HMGCLL1: variants seen among roughly 807,000 people sequenced by gnomAD.
HMGCLL1 encodes 3-hydroxymethyl-3-methylglutaryl-CoA lyase, cytoplasmic.
HMGCLL1 carries 36 observed loss-of-function variants against 39.1 expected under a neutral mutation model. That is an observed-to-expected ratio of 0.92 (90% confidence interval 0.71 to 1.22). HMGCLL1 has a LOEUF of 1.22. HMGCLL1 is among the 50% of genes most tolerant of loss of function. The probability of loss-of-function intolerance (pLI) is 0.00; values close to 1 mark genes in which losing one functional copy is unlikely to be tolerated. For synonymous variants in HMGCLL1, 149 were observed against 144.0 expected, an observed-to-expected ratio of 1.03 and a Z score of -0.25; for missense variants, 451 against 416.5, an observed-to-expected ratio of 1.08 and a Z score of -0.72.
At chr6:55,527,476 C>T (rs1050225236) in intron 3 of HMGCLL1, among the ~76,000 whole-genome samples, 1 of 151,922 alleles carries the variant, frequency 6.6e-6, no homozygotes, top group Non-Finnish European at 1.5e-5. Flanking sequence ...GACCCTACTT[C>T]GATAAAGGAA....
chr6:55,461,251 G>A (rs1017401363), intron 7 of HMGCLL1, among the ~76,000 whole-genome samples: 73 of 151,940 alleles, frequency 4.8e-4, no homozygotes, highest in African/African-American at 1.8e-3. Context: ...TTTTTGAAGA[G>A]TCAAAAGAAG....
At chr6:55,460,265 A>G (rs1441645328) in intron 7 of HMGCLL1, among the ~76,000 whole-genome samples, 2 of 152,040 alleles carry the variant, frequency 1.3e-5, no homozygotes, top group African/African-American at 4.8e-5. Context: ...ACCATAAAGT[A>G]TAGCTATATT....
chr6:55,550,145 G>C (rs1770245710), intron 1 of HMGCLL1, among the ~76,000 whole-genome samples: 1 of 152,022 alleles, frequency 6.6e-6, no homozygotes, highest in Non-Finnish European at 1.5e-5. Flanking sequence ...AAAGGTGGCA[G>C]AAGGGGTTGA....
At chr6:55,602,642 T>C in the HMGCLL1 span, among the ~76,000 whole-genome samples, 1 of 151,964 alleles carries the variant, frequency 6.6e-6, no homozygotes, top group East Asian at 1.9e-4. Flanking sequence ...TGTTACATTC[T>C]TTGGATAACA....
chr6:55,524,553 T>A (rs6936172), intron 3 of HMGCLL1, among the ~76,000 whole-genome samples: 102,789 of 151,070 alleles, frequency 0.68, 35,017 homozygotes, highest in Admixed American at 0.72. Context: ...TCCTAGTGAT[T>A]TGCAGATCTC....
intron 3 of HMGCLL1, among the ~76,000 whole-genome samples, chr6:55,519,301 T>C (rs1767910478): frequency 6.7e-6 from 1 of 149,176 alleles, no homozygotes; most frequent in South Asian, 2.2e-4. Flanking sequence ...TGACAAGTTC[T>C]GTGGTAGAAA....
chr6:55,493,806 C>T (rs1316834948), intron 7 of HMGCLL1, among the ~76,000 whole-genome samples: 2 of 151,844 alleles, frequency 1.3e-5, no homozygotes, highest in African/African-American at 2.4e-5. Flanking sequence ...GATCTCGGCT[C>T]ACTGCAAGCT....
At chr6:55,625,079 A>C in the HMGCLL1 span, among the ~76,000 whole-genome samples, 51,394 of 151,930 alleles carry the variant, frequency 0.34, 9,044 homozygotes, top group African/African-American at 0.42. Context: ...GGCAGGTTCC[A>C]ATAGGTGAAT....
At chr6:55,579,279 A>G (rs542873238), upstream of HMGCLL1, 95 of 585,966 alleles carry the variant, frequency 1.6e-4, no homozygotes, top group East Asian at 2.7e-3. Flanking sequence ...ACCTGCGGGA[A>G]TCGACAGAAA....
chr6:55,500,999 T>C (rs1766851621), intron 5 of HMGCLL1, among the ~76,000 whole-genome samples: 1 of 151,926 alleles, frequency 6.6e-6, no homozygotes, highest in Non-Finnish European at 1.5e-5. Flanking sequence ...AAATTATTAT[T>C]TGGCCACAGC....
intron 7 of HMGCLL1, among the ~76,000 whole-genome samples, chr6:55,477,354 A>ATAT: frequency 2.9e-5 from 1 of 34,676 alleles, no homozygotes; most frequent in South Asian, 7.1e-4. Context: ...TATTTAGATA[A>ATAT]TATATATTAT....
At chr6:55,649,444 CT>C in the HMGCLL1 span, among the ~76,000 whole-genome samples, 2 of 151,580 alleles carry the variant, frequency 1.3e-5, no homozygotes, top group Non-Finnish European at 2.9e-5. Flanking sequence ...TAGAGTTCCC[CT>C]GAAGTCTGCT....
the HMGCLL1 span, among the ~76,000 whole-genome samples, chr6:55,672,384 A>G: frequency 6.6e-6 from 1 of 151,846 alleles, no homozygotes; most frequent in Non-Finnish European, 1.5e-5. Flanking sequence ...AAATTCTCTT[A>G]GTTTAAAGAA....
intron 3 of HMGCLL1, among the ~76,000 whole-genome samples, chr6:55,524,920 T>C (rs1207913261): frequency 1.3e-5 from 2 of 151,656 alleles, no homozygotes; most frequent in Admixed American, 1.3e-4. Context: ...TGTAACAGCA[T>C]GGGTTTTTGA....
the HMGCLL1 span, among the ~76,000 whole-genome samples, chr6:55,668,992 C>G: frequency 6.6e-6 from 1 of 151,506 alleles, no homozygotes; most frequent in Non-Finnish European, 1.5e-5. Context: ...TTCTCCCTGT[C>G]CTCCTACCAC....
chr6:55,655,334 C>T, the HMGCLL1 span, among the ~76,000 whole-genome samples: 4 of 151,284 alleles, frequency 2.6e-5, no homozygotes, highest in Non-Finnish European at 4.4e-5. Context: ...TTCCCCCAAC[C>T]TCCATCCCCC....
chr6:55,513,705 A>G, intron 5 of HMGCLL1: 1 of 273,420 alleles, frequency 3.7e-6, no homozygotes, highest in Non-Finnish European at 6.7e-6. Flanking sequence ...TTCTTTTCCA[A>G]AAGCTGTTGT....
At chr6:55,503,182 A>G (rs1030139463) in intron 5 of HMGCLL1, among the ~76,000 whole-genome samples, 1 of 151,816 alleles carries the variant, frequency 6.6e-6, no homozygotes, top group Non-Finnish European at 1.5e-5. Flanking sequence ...CAATTATTGA[A>G]CAAATTTCTA....
At chr6:55,472,468 T>A (rs935579244) in intron 7 of HMGCLL1, among the ~76,000 whole-genome samples, 3 of 80,482 alleles carry the variant, frequency 3.7e-5, no homozygotes, top group Non-Finnish European at 3.6e-5. Flanking sequence ...CACTGACCTG[T>A]TAATATTTAT....
Sources: gnomAD v4.1 joint callset for allele counts (sites outside exome capture counted in the v4.1 genomes callset) on GRCh38, gnomAD v4.1.1 for gene constraint, MANE v1.5 for transcripts, NCBI Gene and HGNC (gene_info 2026-07-23, HGNC 2026-07-21) for gene names.